ZDHHC2: variants seen among roughly 807,000 people sequenced by gnomAD.
ZDHHC2 encodes zDHHC palmitoyltransferase 2, also known as palmitoyltransferase ZDHHC2.
Under a neutral mutation model 55.6 loss-of-function variants are expected in ZDHHC2, and 51 were observed. That is an observed-to-expected ratio of 0.92 (90% CI 0.73 to 1.16). ZDHHC2 has a LOEUF of 1.16. ZDHHC2 is among the 50% of genes most tolerant of loss of function. ZDHHC2 has a pLI of 0.00. For missense variants in ZDHHC2, 491 were observed against 442.4 expected (o/e 1.11, Z -0.99); for synonymous variants, 199 against 152.9 (o/e 1.30, Z -2.22).
Position 17,215,384 on chromosome 8 carries a change from A to G in ZDHHC2, c.1063+35A>G, listed in dbSNP as rs1807602170. ...TGCTTGTTTGGCTGTTTTTTGACAT[A>G]TTTTATTTTTAGAAGGTAAACGTGG... is the stretch of plus-strand genomic sequence containing the variant. On this transcript the variant is annotated intron_variant, in intron 11 of 12. Coordinates refer to ENST00000262096, the MANE Select transcript of ZDHHC2 (RefSeq NM_016353.5). The G allele has an allele frequency of 5.9e-6, 9 of 1,521,302 alleles. No homozygotes were observed. In the Middle Eastern group the frequency reaches 5.1e-4, roughly 86 times the overall value. The allele number at this position is 1,521,302 out of a possible 1,614,324, so 94.2% of individuals were successfully genotyped here. A position where few individuals can be genotyped will look rare whatever the true frequency, so the allele number is the denominator to read the frequency against.
rs1253432404 is a variant in ZDHHC2, at chr8:17,217,120, G to A, written c.1064-52G>A. ...ATTCATAGATGAATAAGAAGTTTCT[G>A]CCTATTTGTTCAAAAGCAACCAAAA... On this transcript the variant is annotated intron_variant, in intron 11 of 12. Transcript: ENST00000262096. 3 of 1,577,424 alleles carry A rather than the reference G, an allele frequency of 1.9e-6. No homozygotes were observed. In the Admixed American group the frequency reaches 5.2e-5, roughly 28 times the overall value.
chr8:17,156,699 C>A lies in ZDHHC2; in HGVS notation c.-25C>A. 7.2e-7 allele frequency: 1 copy of A among 1,384,226 alleles called. No homozygotes were observed. The highest frequency in any genetic ancestry group is 9.4e-7 in the Non-Finnish European group (1 of 1,063,282). 85.7% of individuals were successfully genotyped at this position (1,384,226 alleles called of 1,614,324 possible). On this transcript the variant is annotated 5_prime_UTR_variant, in exon 1 of 13. It adds an upstream start codon to the 5' untranslated region. Transcript: ENST00000262096. ...GCCAGGCCCGCGGGCGGCGGCGGAGCTGGGCAGGTGGATGCGGCTGGAAGA... is the reference window on the plus strand; with the variant it reads ...GCCAGGCCCGCGGGCGGCGGCGGAGATGGGCAGGTGGATGCGGCTGGAAGA...
At chr8:17,178,292 G>T (rs2517080) in intron 1 of ZDHHC2, among the ~76,000 whole-genome samples, 150,625 of 152,288 alleles carry the variant, frequency 0.99, 74,526 homozygotes, top group East Asian at 1. Context: ...TGGAATAACC[G>T]TTGAGATGAT....
At chr8:17,163,763 C>G (rs1362737930) in intron 1 of ZDHHC2, among the ~76,000 whole-genome samples, 1 of 152,064 alleles carries the variant, frequency 6.6e-6, no homozygotes, top group Non-Finnish European at 1.5e-5. Context: ...GGCATAGATT[C>G]TTAATGCTGT....
intron 7 of ZDHHC2, among the ~76,000 whole-genome samples, chr8:17,206,375 A>G (rs1487068937): frequency 1.3e-5 from 2 of 152,218 alleles, no homozygotes; most frequent in African/African-American, 2.4e-5. Context: ...AAACAAGGTT[A>G]CACACTGATC....
At chr8:17,208,687 C>G (rs1051346239) in intron 8 of ZDHHC2, among the ~76,000 whole-genome samples, 2 of 152,014 alleles carry the variant, frequency 1.3e-5, no homozygotes, top group African/African-American at 4.8e-5. Context: ...TTATGGAATT[C>G]TCAAATGAAA....
At chr8:17,168,260 C>T (rs13267854) in intron 1 of ZDHHC2, among the ~76,000 whole-genome samples, 40,198 of 152,052 alleles carry the variant, frequency 0.26, 5,704 homozygotes, top group South Asian at 0.33. Context: ...GAATGAGCCG[C>T]TTAGCATGCG....
chr8:17,217,233 C>A lies in ZDHHC2; in HGVS notation c.*21C>A. ...CTTAACTCTTCAAGCAAGATAAATT[C>A]ATACTTTATAAAAGTACGATAATTT... is the stretch of plus-strand genomic sequence containing the variant. On this transcript the variant is annotated 3_prime_UTR_variant, in exon 12 of 13. Coordinates refer to ENST00000262096, the MANE Select transcript of ZDHHC2 (RefSeq NM_016353.5). 6.2e-7 allele frequency: 1 copy of A among 1,603,734 alleles called. No individual in the cohort carries two copies. Among genetic ancestry groups the A allele is most frequent in the South Asian group, 1.1e-5 (1 of 89,820 alleles).
At chr8:17,219,677 G>C (rs1807823546) in intron 12 of ZDHHC2, among the ~76,000 whole-genome samples, 1 of 152,100 alleles carries the variant, frequency 6.6e-6, no homozygotes, top group South Asian at 2.1e-4. Context: ...GAGGTGGGAG[G>C]ATGAGAGGAT....
chr8:17,198,881 C>G (rs1045578859), intron 6 of ZDHHC2, among the ~76,000 whole-genome samples: 3 of 152,156 alleles, frequency 2.0e-5, no homozygotes, highest in South Asian at 2.1e-4. Context: ...TAAATTTAAA[C>G]AAGATTTTCC....
At chr8:17,163,068 T>G (rs1237163298) in intron 1 of ZDHHC2, among the ~76,000 whole-genome samples, 1 of 152,224 alleles carries the variant, frequency 6.6e-6, no homozygotes, top group South Asian at 2.1e-4. Flanking sequence ...GTCCAGGGCC[T>G]GTGACCTTGT....
rs534883717 is a variant in ZDHHC2, at chr8:17,156,970, C to T, written c.130+117C>T. On this transcript the variant is annotated intron_variant, in intron 1 of 12. Coordinates refer to ENST00000262096, the MANE Select transcript of ZDHHC2 (RefSeq NM_016353.5). ...CGGATGCGCCCCGGGCGCTGCCAAC[C>T]TGCCGCGTCCCGCCGGCTCCGCCGC... The T allele has an allele frequency of 1.1e-4, 113 of 982,814 alleles. 1 individual carries two copies. In the Middle Eastern group the frequency reaches 1.4e-3, roughly 12 times the overall value. The allele number at this position is 982,814 out of a possible 1,614,324, so 60.9% of individuals were successfully genotyped here.
chr8:17,215,471 C>A, intron 11 of ZDHHC2, 122 bp downstream of exon 11: 1 of 773,354 alleles, frequency 1.3e-6, no homozygotes. Context: ...GACTTCTATT[C>A]TAAATTCAGA....
At chr8:17,171,696 T>A (rs1804862423) in intron 1 of ZDHHC2, among the ~76,000 whole-genome samples, 1 of 151,860 alleles carries the variant, frequency 6.6e-6, no homozygotes, top group Non-Finnish European at 1.5e-5. Context: ...ACAGAAATGA[T>A]GTTGAATTCC....
At chr8:17,200,040 C>T (rs1324268075) in intron 6 of ZDHHC2, among the ~76,000 whole-genome samples, 1 of 152,166 alleles carries the variant, frequency 6.6e-6, no homozygotes, top group African/African-American at 2.4e-5. Context: ...CAGGCGCGAG[C>T]CACCATGCCT....
chr8:17,169,791 A>G (rs578034121), intron 1 of ZDHHC2, among the ~76,000 whole-genome samples: 2 of 152,358 alleles, frequency 1.3e-5, no homozygotes, highest in Non-Finnish European at 2.9e-5. Context: ...GATGCAGTTT[A>G]CACATGGAGC....
intron 1 of ZDHHC2, among the ~76,000 whole-genome samples, chr8:17,178,818 GTTTTA>G (rs1454707670): frequency 1.3e-5 from 2 of 152,046 alleles, no homozygotes; most frequent in Non-Finnish European, 2.9e-5. Flanking sequence ...AATTTTACCT[GTTTTA>G]TTTTTACACA....
chr8:17,180,365 C>T (rs569309275), intron 1 of ZDHHC2, among the ~76,000 whole-genome samples: 1 of 152,134 alleles, frequency 6.6e-6, no homozygotes, highest in Non-Finnish European at 1.5e-5. Flanking sequence ...TTTAAAAAGG[C>T]AATTGACTTA....
intron 12 of ZDHHC2, among the ~76,000 whole-genome samples, chr8:17,219,891 C>G (rs939109394): frequency 6.6e-6 from 1 of 152,184 alleles, no homozygotes; most frequent in African/African-American, 2.4e-5. Flanking sequence ...TCCATTCAGC[C>G]TCAGATGAAT....
Sources: allele counts gnomAD v4.1 joint callset (sites outside exome capture counted in the v4.1 genomes callset), GRCh38; gene constraint gnomAD v4.1.1; transcripts MANE v1.5; gene names NCBI Gene and HGNC (gene_info 2026-07-23, HGNC 2026-07-21).